RNF14: variants seen among roughly 807,000 people sequenced by gnomAD.
RNF14 encodes the protein E3 ubiquitin-protein ligase RNF14.
In RNF14, 26 loss-of-function variants were observed where a neutral mutation model predicts 52.6. That is an observed-to-expected ratio of 0.49 (90% confidence interval 0.36 to 0.69). The LOEUF is 0.69. Among genes scored for constraint, RNF14 ranks in the 30% least tolerant of loss-of-function variants. The probability of loss-of-function intolerance (pLI) is 0.00; values close to 1 mark genes in which losing one functional copy is unlikely to be tolerated. For synonymous variants in RNF14, 194 were observed against 202.0 expected, an observed-to-expected ratio of 0.96 and a Z score of 0.34; for missense variants, 404 against 560.4, an observed-to-expected ratio of 0.72 and a Z score of 2.82.
upstream of RNF14, among the ~76,000 whole-genome samples, chr5:141,966,405 T>C (rs942024594): frequency 6.6e-6 from 1 of 152,196 alleles, no homozygotes; most frequent in African/African-American, 2.4e-5. Flanking sequence ...AGTAATTGTG[T>C]AAATATAAAA....
rs1277985079 is a variant in RNF14 at position 141,987,594 on chromosome 5, C to T, written c.1368-139C>T. On this transcript the variant is annotated intron_variant, in intron 8 of 8. Coordinates refer to ENST00000394520, the MANE Select transcript of RNF14 (RefSeq NM_004290.5). ...TGTTCAGAGGGACCCATATTTCAGC[C>T]CTCCTCAGTGCAATGATTAAAGGAG... 4.9e-5 allele frequency: 38 copies of T among 778,224 alleles called. No homozygotes were observed. In the East Asian group the frequency reaches 1.0e-3, roughly 21 times the overall value. 48.2% of individuals were successfully genotyped at this position (778,224 alleles called of 1,614,324 possible).
chr5:141,978,579 T>C lies in RNF14; in HGVS notation c.583T>C (p.Ser195Pro). Residue 195 changes from serine (S) to proline (P), a missense_variant, in exon 5 of 9, where the codon TCA (serine) becomes CCA (proline). Transcript: ENST00000394520. ...ERAVQDVESL[S>P]NLIQEILDFD... ...AGCAGTGCAGGATGTGGAATCACTG[T>C]CAAATCTGATCCAGGAAATCTTGGA... The C allele has an allele frequency of 1.2e-6, 2 of 1,614,082 alleles. No individual in the cohort carries two copies. The highest frequency in any genetic ancestry group is 1.7e-6 in the Non-Finnish European group (2 of 1,179,952).
At chr5:141,957,652 T>C (rs1753209042), upstream of RNF14, 4 of 1,614,190 alleles carry the variant, frequency 2.5e-6, no homozygotes, top group Non-Finnish European at 3.4e-6. The surrounding 1 kb of genome is among the most constrained non-coding windows in gnomAD (Gnocchi z 4.3). Flanking sequence ...CTGCAACACC[T>C]GGAAGGCAGC....
Position 141,989,910 on chromosome 5 carries a change from G to A in RNF14, c.*2120G>A, listed in dbSNP as rs1336671476. ...ATTTTATGTTAAGCTGTTATACATT[G>A]TTGATGATGTCATAGAAGTAGGAAA... On this transcript the variant is annotated 3_prime_UTR_variant, in exon 9 of 9. Coordinates refer to ENST00000394520, the MANE Select transcript of RNF14 (RefSeq NM_004290.5). 6.6e-6 allele frequency: 1 copy of A among 152,094 alleles called. No individual in the cohort carries two copies. Among genetic ancestry groups the A allele is most frequent in the African/African-American group, 2.4e-5 (1 of 41,420 alleles). 9.4% of individuals were successfully genotyped at this position (152,094 alleles called of 1,614,324 possible).
chr5:141,949,541 TCCA>T, the RNF14 span: 1 of 1,614,204 alleles, frequency 6.2e-7, no homozygotes, highest in Non-Finnish European at 8.5e-7. Flanking sequence ...CTGTCTGGCC[TCCA>T]GCCCTTGCAC....
At chr5:141,980,870 A>G (rs1021498401) in intron 6 of RNF14, among the ~76,000 whole-genome samples, 1 of 152,232 alleles carries the variant, frequency 6.6e-6, no homozygotes, top group African/African-American at 2.4e-5. Context: ...TCTTGTCTCC[A>G]TGGCACATGT....
At chr5:141,955,917 G>A, upstream of RNF14, 1 of 1,614,212 alleles carries the variant, frequency 6.2e-7, no homozygotes, top group East Asian at 2.2e-5. This position sits in a 1 kb window ranked among gnomAD's most constrained non-coding sequence, Gnocchi z 5.5. Flanking sequence ...GGATGAAGAG[G>A]TGGGCTTCAT....
At chr5:141,983,740 T>G (rs551091864) in intron 7 of RNF14, among the ~76,000 whole-genome samples, 188 bp downstream of exon 7, 2 of 152,340 alleles carry the variant, frequency 1.3e-5, no homozygotes, top group African/African-American at 4.8e-5. Context: ...TAGACTTCCC[T>G]TTTCAAAGTA....
At chr5:141,954,446 A>G (rs1753141498), upstream of RNF14, among the ~76,000 whole-genome samples, 1 of 152,250 alleles carries the variant, frequency 6.6e-6, no homozygotes, top group Non-Finnish European at 1.5e-5. Context: ...TCAGATGGAC[A>G]CTGTTCTACA....
At chr5:141,949,542 C>G in the RNF14 span, 1 of 1,614,192 alleles carries the variant, frequency 6.2e-7, no homozygotes, top group Non-Finnish European at 8.5e-7. Flanking sequence ...TGTCTGGCCT[C>G]CAGCCCTTGC....
upstream of RNF14, chr5:141,955,822 A>G (rs201826901): frequency 9.2e-5 from 148 of 1,613,882 alleles, no homozygotes; most frequent in African/African-American, 1.7e-3. This position sits in a 1 kb window ranked among gnomAD's most constrained non-coding sequence, Gnocchi z 5.5. Context: ...CTGGTCCTCT[A>G]CTACTATCTC....
upstream of RNF14, chr5:141,963,280 G>A (rs1372516543): frequency 6.6e-6 from 1 of 151,928 alleles, no homozygotes. Context: ...AGAGTGCCCA[G>A]TTAAATTAGA....
intron 2 of RNF14, among the ~76,000 whole-genome samples, 189 bp downstream of exon 2, chr5:141,971,066 ATATTT>A (rs906183473): frequency 1.3e-5 from 2 of 152,240 alleles, no homozygotes; most frequent in Non-Finnish European, 2.9e-5. Context: ...TTAATTAAAA[ATATTT>A]TAGTTGTGAG....
In RNF14 at chr5:141,978,835, C is replaced by T. The variant is rs1754495002; in HGVS notation, c.834+5C>T. The T allele has an allele frequency of 6.2e-7, 1 of 1,609,576 alleles. No individual in the cohort carries two copies. The highest frequency in any genetic ancestry group is 8.5e-7 in the Non-Finnish European group (1 of 1,176,548). ...TCGGTGGCCACTCCTGGTCAGGTAA[C>T]TGTTTACCCTGCTGATGGTTGCCTC... is the stretch of plus-strand genomic sequence containing the variant. On this transcript the variant is annotated splice_donor_5th_base_variant and intron_variant, in intron 5 of 8. Transcript: ENST00000394520.
At chr5:141,975,509 TATCTC>T (rs879802408) in intron 4 of RNF14, among the ~76,000 whole-genome samples, 1 of 152,228 alleles carries the variant, frequency 6.6e-6, no homozygotes, top group Admixed American at 6.5e-5. Context: ...TTCCTGTAGA[TATCTC>T]AGTAAGGCTT....
chr5:141,967,480 C>T (rs184887334), upstream of RNF14, among the ~76,000 whole-genome samples: 4 of 152,206 alleles, frequency 2.6e-5, no homozygotes, highest in East Asian at 7.7e-4. Context: ...CCCTCTCATC[C>T]TTCCCCCTAA....
chr5:141,966,009 C>A (rs1029258195), upstream of RNF14, among the ~76,000 whole-genome samples: 1 of 151,598 alleles, frequency 6.6e-6, no homozygotes, highest in African/African-American at 2.4e-5. Flanking sequence ...GCCCAGGCGC[C>A]GTGGCTCACA....
upstream of RNF14, chr5:141,957,699 C>T: frequency 6.2e-7 from 1 of 1,614,176 alleles, no homozygotes; most frequent in Admixed American, 1.7e-5. The surrounding 1 kb of genome is among the most constrained non-coding windows in gnomAD (Gnocchi z 4.3). Flanking sequence ...GGCCCAGTTC[C>T]TGGGACAGCT....
chr5:141,957,766 G>C (rs201456518), upstream of RNF14: 1 of 1,611,182 alleles, frequency 6.2e-7, no homozygotes, highest in South Asian at 1.1e-5. This position sits in a 1 kb window ranked among gnomAD's most constrained non-coding sequence, Gnocchi z 4.3. Context: ...CACCGTGAGA[G>C]TGGTCACCTC....
Sources: allele counts gnomAD v4.1 joint callset (sites outside exome capture counted in the v4.1 genomes callset), GRCh38; gene constraint gnomAD v4.1.1; non-coding constraint Gnocchi (gnomAD v3.1); transcripts MANE v1.5; gene names NCBI Gene and HGNC (gene_info 2026-07-23, HGNC 2026-07-21).